Variants in PREX2 observed in about 807,000 individuals in gnomAD.
PREX2 encodes the protein phosphatidylinositol-3,4,5-trisphosphate dependent Rac exchange factor 2.
A neutral mutation model predicts 203.2 loss-of-function variants in PREX2; 107 were observed. That is an observed-to-expected ratio of 0.53 (90% confidence interval 0.45 to 0.62). The LOEUF is 0.62. Among genes scored for constraint, PREX2 ranks in the 20% least tolerant of loss-of-function variants. PREX2 has a pLI of 0.00. For synonymous variants in PREX2, 672 were observed against 663.6 expected, an observed-to-expected ratio of 1.01 and a Z score of -0.19; for missense variants, 1,777 against 1,955.9, an observed-to-expected ratio of 0.91 and a Z score of 1.72.
intron 14 of PREX2, 43 bp from the exon 15 acceptor site, chr8:68,077,353 CT>C (rs745573316): frequency 7.1e-7 from 1 of 1,408,368 alleles, no homozygotes; most frequent in Non-Finnish European, 1.0e-6. Context: ...GCCACAAAGC[CT>C]TTAGTTGCCT....
intron 35 of PREX2, among the ~76,000 whole-genome samples, chr8:68,159,180 A>G (rs960558272): frequency 2.0e-5 from 3 of 152,210 alleles, no homozygotes; most frequent in African/African-American, 7.2e-5. Flanking sequence ...TCCAAATTGT[A>G]GGCAAATAAT....
intron 22 of PREX2, among the ~76,000 whole-genome samples, chr8:68,098,938 G>GTGTATATATATATATATA (rs1352978343): frequency 9.1e-6 from 1 of 109,820 alleles, no homozygotes; most frequent in African/African-American, 3.8e-5. Context: ...ATATATATGT[G>GTGTATATATATATATATA]TATATATATA....
rs746308010 is a variant in PREX2 at position 68,192,402 on chromosome 8, G to T, written c.4481G>T (p.Arg1494Leu). Residue 1494 changes from arginine (R) to leucine (L), a missense_variant, in exon 37 of 40, where the codon CGC (arginine) becomes CTC (leucine). By Grantham distance (102) the Arg-to-Leu change is moderately radical (BLOSUM62 -2). Coordinates refer to ENST00000288368, the MANE Select transcript of PREX2 (RefSeq NM_024870.4). ...GTAGCCTCGTTTATCAGATCCAAGC[G>T]CACAGCTGCCTGTGCAAACACAGCT... ...RLVASFIRSKRTAACANTACS... is the reference protein window; with the variant it reads ...RLVASFIRSKLTAACANTACS... 1.2e-6 allele frequency: 2 copies of T among 1,613,826 alleles called. No homozygotes were observed. The highest frequency in any genetic ancestry group is 1.7e-6 in the Non-Finnish European group (2 of 1,179,880).
intron 9 of PREX2, among the ~76,000 whole-genome samples, chr8:68,054,725 TTA>T (rs1808624020): frequency 6.6e-6 from 1 of 152,174 alleles, no homozygotes; most frequent in South Asian, 2.1e-4. Context: ...TTGTTCAACT[TTA>T]TGTCCAGCCT....
intron 25 of PREX2, among the ~76,000 whole-genome samples, chr8:68,110,586 G>T (rs1810515417): frequency 2.0e-5 from 3 of 151,978 alleles, no homozygotes; most frequent in African/African-American, 4.8e-5. Context: ...GATTTAAATG[G>T]CTACGGATGT....
At chr8:68,112,817 T>C (rs559781098) in intron 25 of PREX2, among the ~76,000 whole-genome samples, 1 of 152,166 alleles carries the variant, frequency 6.6e-6, no homozygotes, top group East Asian at 1.9e-4. Flanking sequence ...ATGGGGAAAA[T>C]AATAATACCT....
intron 1 of PREX2, among the ~76,000 whole-genome samples, chr8:67,954,450 C>G (rs1805436338): frequency 2.0e-5 from 3 of 152,106 alleles, no homozygotes; most frequent in Admixed American, 2.0e-4. Context: ...TCTTGGTTAC[C>G]TGAAGTTGAT....
intron 37 of PREX2, among the ~76,000 whole-genome samples, chr8:68,198,898 GC>G (rs1238498702): frequency 6.6e-6 from 1 of 152,136 alleles, no homozygotes; most frequent in African/African-American, 2.4e-5. Flanking sequence ...TCTTGGTCTG[GC>G]CATGTGGGAA....
At chr8:68,034,390 T>C (rs887786602) in intron 6 of PREX2, among the ~76,000 whole-genome samples, 2 of 152,182 alleles carry the variant, frequency 1.3e-5, no homozygotes, top group Non-Finnish European at 2.9e-5. Context: ...TTGATTATGT[T>C]GTAATGATAA....
At position 68,199,347 on chromosome 8, in the gene PREX2, G is replaced by GT. The variant is rs546759491; in HGVS notation, c.4604+6828dup. Reference sequence around the variant, plus strand: ...AGAAGTTAGCTTTAACATATGTAAAGTTTTTTCCCCAAAATGCACTTATTA... The same window carrying GT: ...AGAAGTTAGCTTTAACATATGTAAAGTTTTTTTCCCCAAAATGCACTTATTA... On this transcript the variant is annotated intron_variant, in intron 37 of 39. Coordinates refer to ENST00000288368, the MANE Select transcript of PREX2 (RefSeq NM_024870.4). Among the ~76,000 whole-genome samples the GT allele has an allele frequency of 6.7e-4, 102 of 152,268 alleles. 3 individuals carry two copies. In the South Asian group the frequency reaches 0.02, roughly 30 times the overall value.
chr8:68,141,716 T>A (rs1388837475), intron 33 of PREX2, among the ~76,000 whole-genome samples: 1 of 152,108 alleles, frequency 6.6e-6, no homozygotes, highest in Non-Finnish European at 1.5e-5. Flanking sequence ...AAAGACTTAT[T>A]TTGAAACTCA....
chr8:68,192,216 A>C, intron 36 of PREX2, 119 bp from the exon 37 acceptor site: 1 of 731,898 alleles, frequency 1.4e-6, no homozygotes, highest in Non-Finnish European at 2.2e-6. Flanking sequence ...GTAGTCTCTA[A>C]TTCCATTACC....
chr8:67,989,642 C>T (rs1806540380), intron 1 of PREX2, among the ~76,000 whole-genome samples: 1 of 152,110 alleles, frequency 6.6e-6, no homozygotes, highest in Non-Finnish European at 1.5e-5. Flanking sequence ...TATGACTTTA[C>T]CTTAGCGATT....
chr8:68,056,066 T>C, intron 10 of PREX2, 92 bp downstream of exon 10: 1 of 1,320,696 alleles, frequency 7.6e-7, no homozygotes, highest in Non-Finnish European at 1.0e-6. Flanking sequence ...TTTAAAAATA[T>C]TCCCTTAGGC....
chr8:68,134,396 C>CAT, intron 32 of PREX2, 120 bp downstream of exon 32: 8 of 726,892 alleles, frequency 1.1e-5, no homozygotes, highest in Non-Finnish European at 1.6e-5. Flanking sequence ...TGCGTGCATT[C>CAT]AGCTACTTTA....
intron 1 of PREX2, among the ~76,000 whole-genome samples, chr8:68,005,880 GGGTT>G (rs10577026): frequency 0.62 from 93,922 of 151,546 alleles, 29,173 homozygotes; most frequent in South Asian, 0.73. Context: ...GTCATAGAGT[GGGTT>G]GGTTCACAGT....
intron 1 of PREX2, among the ~76,000 whole-genome samples, chr8:67,962,609 T>A (rs533541691): frequency 5.6e-4 from 84 of 150,334 alleles, no homozygotes; most frequent in East Asian, 3.5e-3. Context: ...TATTTTATTT[T>A]TTTTTTTATT....
chr8:68,197,546 A>C (rs1339796363), intron 37 of PREX2, among the ~76,000 whole-genome samples: 1 of 152,006 alleles, frequency 6.6e-6, no homozygotes, highest in Non-Finnish European at 1.5e-5. Flanking sequence ...TCCTCATAGC[A>C]GTGTGAGAAG....
At chr8:67,995,780 G>A (rs1289221011) in intron 1 of PREX2, among the ~76,000 whole-genome samples, 1 of 152,094 alleles carries the variant, frequency 6.6e-6, no homozygotes, top group African/African-American at 2.4e-5. Context: ...TGAATGAAGT[G>A]GCCATGAATG....
Sources: gnomAD v4.1 joint callset for allele counts (sites outside exome capture counted in the v4.1 genomes callset) on GRCh38, gnomAD v4.1.1 for gene constraint, MANE v1.5 for transcripts, NCBI Gene and HGNC (gene_info 2026-07-23, HGNC 2026-07-21) for gene names.